GNPAT: variants seen among roughly 807,000 people sequenced by gnomAD.
GNPAT encodes glyceronephosphate O-acyltransferase.
In GNPAT, 30 loss-of-function variants were observed where a neutral mutation model predicts 78.4. That is an observed-to-expected ratio of 0.38 (90% CI 0.29 to 0.52). GNPAT has a LOEUF of 0.52. Among genes scored for constraint, GNPAT ranks in the 20% least tolerant of loss-of-function variants. The pLI, the probability that GNPAT is intolerant of heterozygous loss-of-function variation, is 0.84. For missense variants in GNPAT, 714 were observed against 812.2 expected, an observed-to-expected ratio of 0.88 and a Z score of 1.47; for synonymous variants, 271 against 281.1, an observed-to-expected ratio of 0.96 and a Z score of 0.36.
intron 1 of GNPAT, among the ~76,000 whole-genome samples, chr1:231,248,631 G>A (rs1358488745): frequency 6.6e-6 from 1 of 151,946 alleles, no homozygotes; most frequent in Non-Finnish European, 1.5e-5. Context: ...TCAAATGTGT[G>A]TTGTTTAAGG....
At chr1:231,254,336 T>A (rs907188408) in intron 2 of GNPAT, among the ~76,000 whole-genome samples, 2 of 152,202 alleles carry the variant, frequency 1.3e-5, no homozygotes, top group Non-Finnish European at 2.9e-5. Context: ...GAACTGTTTT[T>A]CATTCTCCAA....
rs552176382 is a variant in GNPAT, at chr1:231,260,447, G to T, written c.262-60G>T. 135 of 1,179,274 alleles carry T rather than the reference G, an allele frequency of 1.1e-4. No individual in the cohort carries two copies. In the South Asian group the frequency reaches 1.6e-3, roughly 14 times the overall value. The allele number at this position is 1,179,274 out of a possible 1,614,324, so 73.1% of individuals were successfully genotyped here. A position where few individuals can be genotyped will look rare whatever the true frequency, so the allele number is the denominator to read the frequency against. Reference sequence around the variant, plus strand: ...AACTAGTCATACTGGTTTGAGTAAAGCTTTCTGACTTTTCTGTTATTGTTG... The same window carrying T: ...AACTAGTCATACTGGTTTGAGTAAATCTTTCTGACTTTTCTGTTATTGTTG... On this transcript the variant is annotated intron_variant, in intron 2 of 15. Transcript: ENST00000366647.
intron 2 of GNPAT, among the ~76,000 whole-genome samples, chr1:231,257,911 A>AC (rs950123607): frequency 1.2e-4 from 19 of 152,086 alleles, no homozygotes; most frequent in Non-Finnish European, 2.6e-4. Flanking sequence ...GGCTGGCCCC[A>AC]CCACCCATTC....
At chr1:231,261,773 A>G (rs1035121755) in intron 3 of GNPAT, among the ~76,000 whole-genome samples, 2 of 152,112 alleles carry the variant, frequency 1.3e-5, no homozygotes, top group African/African-American at 4.8e-5. Context: ...TATGAAGAGT[A>G]TTTTTACTTA....
rs909945774 is a variant in GNPAT at position 231,241,485 on chromosome 1, G to A, written c.78+29G>A. Reference sequence around the variant, plus strand: ...GGCGCCCAGGGAAAAGAGGCCCAGAGCGGAGCCGCGCGAAATAGTACCCCT... The same window carrying A: ...GGCGCCCAGGGAAAAGAGGCCCAGAACGGAGCCGCGCGAAATAGTACCCCT... On this transcript the variant is annotated intron_variant, in intron 1 of 15. Coordinates refer to ENST00000366647, the MANE Select transcript of GNPAT (RefSeq NM_014236.4). 6 of 1,493,072 alleles carry A rather than the reference G, an allele frequency of 4.0e-6. No homozygotes were observed. In the African/African-American group the frequency reaches 6.9e-5, roughly 17 times the overall value. 92.5% of individuals were successfully genotyped at this position (1,493,072 alleles called of 1,614,324 possible). A position where few individuals can be genotyped will look rare whatever the true frequency, so the allele number is the denominator to read the frequency against.
intron 2 of GNPAT, among the ~76,000 whole-genome samples, chr1:231,255,704 G>A (rs1229558438): frequency 6.6e-6 from 1 of 152,058 alleles, no homozygotes; most frequent in Non-Finnish European, 1.5e-5. Flanking sequence ...TAAAGTGCTG[G>A]GATTACAGGT....
Position 231,277,635 on chromosome 1 carries a change from TC to T in GNPAT, c.*95del. 1 of 802,054 alleles carries T rather than the reference TC, an allele frequency of 1.2e-6. No individual in the cohort carries two copies. Among genetic ancestry groups the T allele is most frequent in the East Asian group, 2.4e-5 (1 of 41,174 alleles). 49.7% of individuals were successfully genotyped at this position (802,054 alleles called of 1,614,324 possible). ...ACAGGGAAGTAAAGGAAGAGACACA[TC>T]CTCTCATACTCCCTGAGACTCTGAG... On this transcript the variant is annotated 3_prime_UTR_variant, in exon 16 of 16. Transcript: ENST00000366647.
intron 8 of GNPAT, 131 bp downstream of exon 8, chr1:231,266,538 A>G (rs1685394529): frequency 3.7e-6 from 3 of 820,682 alleles, no homozygotes; most frequent in South Asian, 2.9e-5. Context: ...AAATGCTGTT[A>G]TCATTCCGTT....
chr1:231,260,748 AAAC>A, intron 3 of GNPAT, 65 bp downstream of exon 3: 2 of 1,138,896 alleles, frequency 1.8e-6, no homozygotes, highest in Non-Finnish European at 2.6e-6. Context: ...ACAAAAAAAA[AAAC>A]AGTCTCTTTT....
intron 4 of GNPAT, among the ~76,000 whole-genome samples, chr1:231,264,658 G>A (rs937384162): frequency 6.6e-6 from 1 of 152,186 alleles, no homozygotes; most frequent in Admixed American, 6.5e-5. Flanking sequence ...AAAACTGCTG[G>A]TAGCAATCTT....
In GNPAT at chr1:231,266,179, ATT is replaced by A; in HGVS notation, c.924+17_924+18del. The A allele has an allele frequency of 6.2e-7, 1 of 1,613,478 alleles. No individual in the cohort carries two copies. Among genetic ancestry groups the A allele is most frequent in the South Asian group, 1.1e-5 (1 of 91,070 alleles). On this transcript the variant is annotated intron_variant, in intron 7 of 15. Transcript: ENST00000366647. ...GAGTCTACAACTGTACGTGAGCTTG[ATT>A]TTAGCTTAATTGAGAGAATGTGCTG...
chr1:231,267,854 A>G lies in GNPAT; in HGVS notation c.1230A>G (p.Leu410=), dbSNP rs748593080. ...MDFDALVEKT[L]WLKGLTQAFG... is the part of the protein sequence containing the mutation. ...TTGATGCTCTGGTGGAAAAGACTTT[A>G]TGGCTAAAAGGCTTAACCCAGGCAT... Residue 410 remains leucine, a synonymous_variant, in exon 9 of 16, where the codon TTA becomes TTG. Transcript: ENST00000366647. The G allele has an allele frequency of 6.2e-7, 1 of 1,613,962 alleles. No individual in the cohort carries two copies.
At chr1:231,250,379 A>G (rs892089412) in intron 1 of GNPAT, among the ~76,000 whole-genome samples, 1 of 152,136 alleles carries the variant, frequency 6.6e-6, no homozygotes, top group African/African-American at 2.4e-5. Flanking sequence ...GTAGTGAGCT[A>G]TATAATGGTG....
chr1:231,251,283 G>A (rs190011412), intron 2 of GNPAT, 140 bp downstream of exon 2: 75 of 605,792 alleles, frequency 1.2e-4, no homozygotes, highest in African/African-American at 7.0e-4. Flanking sequence ...TACTGTATCC[G>A]TGTGTGTTAG....
At chr1:231,265,897 CTG>C (rs1558334452) in intron 6 of GNPAT, 110 bp downstream of exon 6, 16 of 1,054,392 alleles carry the variant, frequency 1.5e-5, no homozygotes, top group African/African-American at 7.8e-5. Context: ...AAATGTATAA[CTG>C]TTGATATTTA....
intron 8 of GNPAT, 66 bp from the exon 9 acceptor site, chr1:231,267,614 C>T: frequency 1.1e-6 from 1 of 945,784 alleles, no homozygotes; most frequent in Non-Finnish European, 1.7e-6. Context: ...CGTCTAGAGT[C>T]TTTTTCCATC....
At position 231,266,264 on chromosome 1, in the gene GNPAT, A is replaced by G. The variant is rs1685384137; in HGVS notation, c.925-13A>G. ...CTTTTCGTTTTCTTCCCCCCCTGTT[A>G]TGGTACTATTAGGGGTTGCTGAAAG... On this transcript the variant is annotated splice_polypyrimidine_tract_variant and intron_variant, in intron 7 of 15. Coordinates refer to ENST00000366647, the MANE Select transcript of GNPAT (RefSeq NM_014236.4). 1.2e-6 allele frequency: 2 copies of G among 1,613,912 alleles called. No homozygotes were observed. The highest frequency in any genetic ancestry group is 1.1e-5 in the South Asian group (1 of 91,088).
At chr1:231,245,768 G>A (rs1334791891) in intron 1 of GNPAT, among the ~76,000 whole-genome samples, 4 of 152,152 alleles carry the variant, frequency 2.6e-5, no homozygotes, top group African/African-American at 7.2e-5. Context: ...TCGGGAGCTC[G>A]CGACCAGCCT....
chr1:231,274,722 T>C (rs1267841975), intron 12 of GNPAT, among the ~76,000 whole-genome samples: 1 of 152,200 alleles, frequency 6.6e-6, no homozygotes, highest in Non-Finnish European at 1.5e-5. Context: ...ACCCACTTCC[T>C]GGTGCTTGTG....
Sources: allele counts gnomAD v4.1 joint callset (sites outside exome capture counted in the v4.1 genomes callset), GRCh38; gene constraint gnomAD v4.1.1; transcripts MANE v1.5; gene names NCBI Gene and HGNC (gene_info 2026-07-23, HGNC 2026-07-21).